The following MPZL1 variants were observed in gnomAD, a reference collection of about 807,000 sequenced individuals.
MPZL1 encodes myelin protein zero like 1, also known as myelin protein zero-like protein 1.
Under a neutral mutation model 29.3 loss-of-function variants are expected in MPZL1, and 16 were observed. That is an observed-to-expected ratio of 0.55 (90% CI 0.37 to 0.83). MPZL1 has a LOEUF of 0.83. Among genes scored for constraint, MPZL1 ranks in the 40% least tolerant of loss-of-function variants. MPZL1 has a pLI of 0.00. For synonymous variants in MPZL1, 143 were observed against 132.0 expected, an observed-to-expected ratio of 1.08 and a Z score of -0.57; for missense variants, 279 against 332.9, an observed-to-expected ratio of 0.84 and a Z score of 1.26.
intron 5 of MPZL1, among the ~76,000 whole-genome samples, chr1:167,785,687 A>G (rs1490299582): frequency 1.3e-5 from 2 of 152,226 alleles, no homozygotes; most frequent in African/African-American, 4.8e-5. Context: ...ATGGGGTTTT[A>G]TTATCTAAGA....
At chr1:167,751,283 T>C (rs1660749496) in intron 1 of MPZL1, among the ~76,000 whole-genome samples, 1 of 152,248 alleles carries the variant, frequency 6.6e-6, no homozygotes, top group Admixed American at 6.5e-5. Flanking sequence ...AAGAGTCCCA[T>C]CAAAATGGTT....
At chr1:167,723,892 T>G (rs191771866) in intron 1 of MPZL1, among the ~76,000 whole-genome samples, 35 of 152,340 alleles carry the variant, frequency 2.3e-4, no homozygotes, top group Middle Eastern at 3.4e-3. Flanking sequence ...TTTTACAGGA[T>G]AGCTTCTAAA....
At chr1:167,756,488 TG>T (rs1462444920) in intron 1 of MPZL1, among the ~76,000 whole-genome samples, 1 of 147,274 alleles carries the variant, frequency 6.8e-6, no homozygotes, top group African/African-American at 2.5e-5. Flanking sequence ...GAGTCTCCTT[TG>T]GGGTGATTCT....
chr1:167,745,865 G>C (rs1038329323), intron 1 of MPZL1, among the ~76,000 whole-genome samples: 6 of 151,870 alleles, frequency 4.0e-5, no homozygotes, highest in African/African-American at 1.4e-4. Flanking sequence ...TCAGGTTTGT[G>C]GTTTACTGCC....
At chr1:167,770,661 C>A (rs1231511045) in intron 2 of MPZL1, among the ~76,000 whole-genome samples, 1 of 152,178 alleles carries the variant, frequency 6.6e-6, no homozygotes. Flanking sequence ...GGTAAGCTAA[C>A]TCAACACTAA....
intron 3 of MPZL1, among the ~76,000 whole-genome samples, chr1:167,772,914 G>T (rs964896277): frequency 1.3e-5 from 2 of 152,190 alleles, no homozygotes; most frequent in Non-Finnish European, 2.9e-5. Flanking sequence ...GGAAATGCAG[G>T]TTCTGGTGTC....
intron 1 of MPZL1, among the ~76,000 whole-genome samples, chr1:167,758,551 A>G (rs1660918017): frequency 6.6e-6 from 1 of 151,030 alleles, no homozygotes. Flanking sequence ...TTTCTTTCTG[A>G]AATGTTCTGG....
intron 1 of MPZL1, among the ~76,000 whole-genome samples, chr1:167,758,512 T>G (rs1660916665): frequency 6.6e-6 from 1 of 152,198 alleles, no homozygotes; most frequent in African/African-American, 2.4e-5. Context: ...GTGATGGATA[T>G]TGTTTTGTTT....
intron 1 of MPZL1, among the ~76,000 whole-genome samples, chr1:167,729,452 T>G (rs1252694713): frequency 6.6e-6 from 1 of 152,216 alleles, no homozygotes; most frequent in Non-Finnish European, 1.5e-5. Context: ...CAGCTTAGCT[T>G]CAATGAGAAC....
chr1:167,728,107 T>G (rs1275905500), intron 1 of MPZL1, among the ~76,000 whole-genome samples: 1 of 147,820 alleles, frequency 6.8e-6, no homozygotes, highest in Non-Finnish European at 1.5e-5. Context: ...TCGCGCCATC[T>G]CGGCTCATTG....
At chr1:167,734,591 A>G (rs557671726) in intron 1 of MPZL1, among the ~76,000 whole-genome samples, 1 of 152,260 alleles carries the variant, frequency 6.6e-6, no homozygotes, top group East Asian at 1.9e-4. Flanking sequence ...GAAAAATCAA[A>G]TAGTTTTTTT....
Position 167,787,898 on chromosome 1 carries a change from T to A in MPZL1, c.787T>A (p.Tyr263Asn), listed in dbSNP as rs773113947. The change falls in exon 6 of 6, where the codon TAT becomes AAT. Residue 263 changes from tyrosine (Y) to asparagine (N), a missense_variant. By Grantham distance (143) the Tyr-to-Asn change is moderately radical (BLOSUM62 -2). Coordinates refer to ENST00000359523, the MANE Select transcript of MPZL1 (RefSeq NM_003953.6). ...GATTAACAAGTCAGAGTCTGTGGTG[T>A]ATGCGGATATCCGAAAGAATTAAGA... ...DKINKSESVVYADIRKN is the reference protein window; with the variant it reads ...DKINKSESVVNADIRKN The A allele has an allele frequency of 1.2e-6, 2 of 1,612,700 alleles. No individual in the cohort carries two copies. The highest frequency in any genetic ancestry group is 1.7e-6 in the Non-Finnish European group (2 of 1,178,704).
chr1:167,742,386 G>C (rs967877704), intron 1 of MPZL1, among the ~76,000 whole-genome samples: 1 of 152,046 alleles, frequency 6.6e-6, no homozygotes, highest in South Asian at 2.1e-4. Flanking sequence ...AGAGTGTATC[G>C]CCTAACTATA....
At chr1:167,751,159 ATAAC>A (rs1660746655) in intron 1 of MPZL1, among the ~76,000 whole-genome samples, 1 of 152,174 alleles carries the variant, frequency 6.6e-6, no homozygotes, top group Non-Finnish European at 1.5e-5. Context: ...TTTGTAATTA[ATAAC>A]TATCTTATGG....
chr1:167,765,832 G>T, intron 2 of MPZL1, 83 bp downstream of exon 2: 3 of 1,286,752 alleles, frequency 2.3e-6, no homozygotes, highest in Non-Finnish European at 3.2e-6. Flanking sequence ...TTTTTCTGAT[G>T]GTTCATTTCC....
intron 5 of MPZL1, among the ~76,000 whole-genome samples, chr1:167,777,621 C>T (rs753076364): frequency 2.6e-5 from 4 of 152,148 alleles, no homozygotes; most frequent in African/African-American, 4.8e-5. Context: ...AGATTTGGAG[C>T]GGGGTCCCCT....
At chr1:167,751,791 T>C (rs1285768668) in intron 1 of MPZL1, among the ~76,000 whole-genome samples, 1 of 152,190 alleles carries the variant, frequency 6.6e-6, no homozygotes, top group African/African-American at 2.4e-5. Context: ...CATTTGTTAG[T>C]AGTATTGTTT....
At chr1:167,741,825 C>T (rs1358570652) in intron 1 of MPZL1, among the ~76,000 whole-genome samples, 1 of 151,992 alleles carries the variant, frequency 6.6e-6, no homozygotes, top group Non-Finnish European at 1.5e-5. Flanking sequence ...TTGAGCTCAG[C>T]AGTTCAAGAC....
chr1:167,752,701 A>G (rs1012841596), intron 1 of MPZL1, among the ~76,000 whole-genome samples: 1 of 152,230 alleles, frequency 6.6e-6, no homozygotes, highest in African/African-American at 2.4e-5. Context: ...GTGATGAATC[A>G]GTGCTGATTA....
Sources: gnomAD v4.1 joint callset for allele counts (sites outside exome capture counted in the v4.1 genomes callset) on GRCh38, gnomAD v4.1.1 for gene constraint, MANE v1.5 for transcripts, NCBI Gene and HGNC (gene_info 2026-07-23, HGNC 2026-07-21) for gene names.